Variants in ESYT2 observed in about 807,000 individuals in gnomAD.
ESYT2 encodes the protein extended synaptotagmin-2.
Under a neutral mutation model 107.2 loss-of-function variants are expected in ESYT2, and 54 were observed. The ratio of observed to expected loss-of-function variants is 0.50; its 90% CI spans 0.40 to 0.63. The LOEUF is 0.63. ESYT2 is among the 30% of genes least tolerant of loss of function. ESYT2 has a pLI of 0.00. For synonymous variants in ESYT2, 491 were observed against 434.1 expected (o/e 1.13, Z -1.63); for missense variants, 1,020 against 1,094.5 (o/e 0.93, Z 0.96).
At chr7:158,769,855 C>T (rs1189683185) in intron 7 of ESYT2, among the ~76,000 whole-genome samples, 1 of 152,010 alleles carries the variant, frequency 6.6e-6, no homozygotes, top group Admixed American at 6.6e-5. Flanking sequence ...CATGTGGATG[C>T]TCATTTTATA....
chr7:158,784,524 G>A (rs2129473066), intron 6 of ESYT2, among the ~76,000 whole-genome samples: 1 of 152,332 alleles, frequency 6.6e-6, no homozygotes. Context: ...TATTCCACAT[G>A]TGGACTGCAG....
intron 16 of ESYT2, 151 bp from the exon 17 acceptor site, chr7:158,743,829 T>A: frequency 1.2e-6 from 1 of 836,648 alleles, no homozygotes; most frequent in Non-Finnish European, 1.7e-6. Flanking sequence ...GCCTGTAATT[T>A]CAGCACTTTG....
intron 7 of ESYT2, among the ~76,000 whole-genome samples, chr7:158,770,843 T>G (rs886933524): frequency 6.6e-6 from 1 of 152,042 alleles, no homozygotes; most frequent in East Asian, 1.9e-4. Context: ...ATTACATATA[T>G]AAAATCTACA....
intron 11 of ESYT2, 53 bp downstream of exon 11, chr7:158,761,443 G>C: frequency 6.4e-7 from 1 of 1,560,452 alleles, no homozygotes; most frequent in Non-Finnish European, 8.8e-7. Flanking sequence ...TCTGGCACAG[G>C]GCAGGGACTC....
intron 1 of ESYT2, among the ~76,000 whole-genome samples, chr7:158,812,513 T>C (rs753698971): frequency 3.3e-5 from 5 of 152,126 alleles, no homozygotes; most frequent in Non-Finnish European, 7.4e-5. Flanking sequence ...CTGGGGAGAA[T>C]GTAAAATGGT....
At chr7:158,797,886 G>C in intron 3 of ESYT2, 56 bp downstream of exon 3, 1 of 1,537,108 alleles carries the variant, frequency 6.5e-7, no homozygotes, top group Non-Finnish European at 8.8e-7. Context: ...GTGTTGTTTT[G>C]TGTTTTCACA....
rs755054913 is a variant in ESYT2, at chr7:158,773,414, C to T, written c.748-18G>A. ...TCTAAAAGCTGTTTTAAAACAAGGG[C>T]AAAATATTAAGTTCCAAACAATTTC... On this transcript the variant is annotated intron_variant, in intron 6 of 22. Coordinates refer to ENST00000275418, the MANE Select transcript of ESYT2 (RefSeq NM_001367773.1). 2.5e-6 allele frequency: 4 copies of T among 1,613,398 alleles called. No individual in the cohort carries two copies. Among genetic ancestry groups the T allele is most frequent in the Non-Finnish European group, 3.4e-6 (4 of 1,179,528 alleles).
chr7:158,761,050 G>A (rs1310245790), intron 11 of ESYT2, among the ~76,000 whole-genome samples: 2 of 152,078 alleles, frequency 1.3e-5, no homozygotes, highest in African/African-American at 2.4e-5. Flanking sequence ...GGTGGAAGTC[G>A]AGTCTCCTTG....
intron 6 of ESYT2, among the ~76,000 whole-genome samples, chr7:158,775,031 C>A (rs1257293104): frequency 6.6e-6 from 1 of 152,184 alleles, no homozygotes; most frequent in Non-Finnish European, 1.5e-5. Context: ...CCTATACAGG[C>A]ATGCCTCGGA....
At position 158,763,087 on chromosome 7, in the gene ESYT2, C is replaced by T. The variant is rs756377496; in HGVS notation, c.1180G>A (p.Gly394Arg). 1 of 1,612,128 alleles carries T rather than the reference C, an allele frequency of 6.2e-7. No homozygotes were observed. Among genetic ancestry groups the T allele is most frequent in the African/African-American group, 1.3e-5 (1 of 74,882 alleles). ...ACCACAATGGGCTTTATTTACCTTCCTAAAAAGTCATCCTTGTCTGGGTCT... is the reference window on the plus strand; with the variant it reads ...ACCACAATGGGCTTTATTTACCTTCTTAAAAAGTCATCCTTGTCTGGGTCT... ...DEDPDKDDFL[G>R]SLMIDLIEVE... is the part of the protein sequence containing the mutation. Residue 394 changes from glycine (G) to arginine (R), a missense_variant, in exon 10 of 23, where the codon GGA becomes AGA. Gly to Arg is a moderately radical substitution (Grantham distance 125). Coordinates refer to ENST00000275418, the MANE Select transcript of ESYT2 (RefSeq NM_001367773.1).
intron 6 of ESYT2, among the ~76,000 whole-genome samples, chr7:158,784,602 C>A (rs907489793): frequency 6.6e-6 from 1 of 152,198 alleles, no homozygotes; most frequent in Non-Finnish European, 1.5e-5. Flanking sequence ...CGAAGGCTTT[C>A]GAATTCCTGG....
chr7:158,774,678 C>G (rs1361978212), intron 6 of ESYT2, among the ~76,000 whole-genome samples: 1 of 152,230 alleles, frequency 6.6e-6, no homozygotes, highest in Non-Finnish European at 1.5e-5. Flanking sequence ...AAGGGCATCA[C>G]AACAGGATTC....
intron 15 of ESYT2, among the ~76,000 whole-genome samples, chr7:158,748,630 G>A (rs1197936389): frequency 1.3e-5 from 2 of 152,148 alleles, no homozygotes; most frequent in South Asian, 2.1e-4. Context: ...TGAGGAGGGT[G>A]AGCACTTGGG....
At chr7:158,781,299 G>GTGAA (rs67757254) in intron 6 of ESYT2, among the ~76,000 whole-genome samples, 1 of 5,612 alleles carries the variant, frequency 1.8e-4, no homozygotes, top group Non-Finnish European at 1.1e-3. Context: ...AGTGTGCGGT[G>GTGAA]TGTGAGAACA....
chr7:158,829,453 G>T lies in ESYT2; in HGVS notation c.-35C>A. On this transcript the variant is annotated 5_prime_UTR_variant, in exon 1 of 23. Transcript: ENST00000275418. ...GTGCCGCGCTGCCCTCCCGGCCGAGGCGGGCTGGGTGCTCGCGCTGATCCC... is the reference window on the plus strand; with the variant it reads ...GTGCCGCGCTGCCCTCCCGGCCGAGTCGGGCTGGGTGCTCGCGCTGATCCC... 3.3e-6 allele frequency: 4 copies of T among 1,197,396 alleles called. 1 individual carries two copies. The highest frequency in any genetic ancestry group is 4.1e-6 in the Non-Finnish European group (4 of 967,676). 74.2% of individuals were successfully genotyped at this position (1,197,396 alleles called of 1,614,324 possible).
At chr7:158,756,944 G>A (rs1489589717) in intron 13 of ESYT2, among the ~76,000 whole-genome samples, 12 of 150,654 alleles carry the variant, frequency 8.0e-5, no homozygotes, top group African/African-American at 2.7e-4. Flanking sequence ...AAAAAAGGAG[G>A]GGATAGATTT....
At chr7:158,742,018 T>A in intron 17 of ESYT2, 122 bp from the exon 18 acceptor site, 1 of 1,251,524 alleles carries the variant, frequency 8.0e-7, no homozygotes, top group Non-Finnish European at 1.1e-6. Context: ...AAAAAAAATT[T>A]TTTTTTAAAG....
At chr7:158,742,700 T>C (rs944702868) in intron 17 of ESYT2, among the ~76,000 whole-genome samples, 1 of 152,214 alleles carries the variant, frequency 6.6e-6, no homozygotes, top group African/African-American at 2.4e-5. Flanking sequence ...GTCCACACCT[T>C]GTAAATCACT....
At chr7:158,773,581 GTTTTTT>G (rs1472399556) in intron 6 of ESYT2, among the ~76,000 whole-genome samples, 185 bp from the exon 7 acceptor site, 1 of 151,928 alleles carries the variant, frequency 6.6e-6, no homozygotes, top group East Asian at 1.9e-4. Context: ...GCCTCTTTTT[GTTTTTT>G]GATAATGTCA....
Sources: allele counts gnomAD v4.1 joint callset (sites outside exome capture counted in the v4.1 genomes callset), GRCh38; gene constraint gnomAD v4.1.1; transcripts MANE v1.5; gene names NCBI Gene and HGNC (gene_info 2026-07-23, HGNC 2026-07-21).